NRXN1: variants seen among roughly 807,000 people sequenced by gnomAD.
The protein encoded by NRXN1 is neurexin 1, also known as neurexin-1.
Under a neutral mutation model 150.9 loss-of-function variants are expected in NRXN1, and 39 were observed. The observed-to-expected ratio is 0.26, with a 90% CI of 0.20 to 0.34. NRXN1 has a LOEUF of 0.34. Among genes scored for constraint, NRXN1 ranks in the 10% least tolerant of loss-of-function variants. The pLI is 1.00. For synonymous variants in NRXN1, 924 were observed against 757.0 expected (o/e 1.22, Z -3.62); for missense variants, 1,815 against 1,949.9 (o/e 0.93, Z 1.30).
intron 9 of NRXN1, among the ~76,000 whole-genome samples, chr2:50,545,337 T>C (rs1295620587): frequency 6.6e-6 from 1 of 152,162 alleles, no homozygotes; most frequent in African/African-American, 2.4e-5. Flanking sequence ...ATCAATCAAA[T>C]AACATTCTGC....
At chr2:50,990,594 T>G (rs1414685325) in intron 2 of NRXN1, among the ~76,000 whole-genome samples, 1 of 152,054 alleles carries the variant, frequency 6.6e-6, no homozygotes, top group Non-Finnish European at 1.5e-5. Context: ...TGTCATCAGG[T>G]GTAGACATAG....
intron 2 of NRXN1, among the ~76,000 whole-genome samples, chr2:50,990,111 A>G (rs1698323373): frequency 6.6e-6 from 1 of 152,040 alleles, no homozygotes; most frequent in Non-Finnish European, 1.5e-5. Context: ...TATCTTCTGT[A>G]GGGAACTGTC....
chr2:50,686,081 C>T (rs1387453081), intron 5 of NRXN1, among the ~76,000 whole-genome samples: 1 of 152,068 alleles, frequency 6.6e-6, no homozygotes, highest in African/African-American at 2.4e-5. Flanking sequence ...ACTAGAAATA[C>T]ATTTCTCCAG....
At chr2:50,668,295 C>CT (rs1559099687) in intron 5 of NRXN1, among the ~76,000 whole-genome samples, 1 of 151,492 alleles carries the variant, frequency 6.6e-6, no homozygotes, top group African/African-American at 2.4e-5. Flanking sequence ...AATCAGTGTT[C>CT]TTTTTTTCAA....
chr2:50,532,648 A>G (rs2093148504), intron 10 of NRXN1, among the ~76,000 whole-genome samples: 1 of 152,142 alleles, frequency 6.6e-6, no homozygotes, highest in African/African-American at 2.4e-5. Context: ...TTGCTACACT[A>G]AATAAGCATG....
chr2:50,702,867 G>GT (rs879415779), intron 5 of NRXN1, among the ~76,000 whole-genome samples: 3 of 151,874 alleles, frequency 2.0e-5, no homozygotes, highest in African/African-American at 4.8e-5. Context: ...TAACAGACAA[G>GT]TTTTTTTTCC....
chr2:50,538,925 G>A (rs2093329475), intron 9 of NRXN1, among the ~76,000 whole-genome samples: 1 of 152,136 alleles, frequency 6.6e-6, no homozygotes. Flanking sequence ...GTCAATGCAT[G>A]TATACATACA....
chr2:50,063,331 A>G (rs1025494877), intron 19 of NRXN1, among the ~76,000 whole-genome samples: 3 of 152,162 alleles, frequency 2.0e-5, no homozygotes, highest in South Asian at 2.1e-4. Flanking sequence ...TTTATTTCCT[A>G]TATCATTAAA....
At chr2:49,986,909 C>T (rs1681004146) in intron 21 of NRXN1, among the ~76,000 whole-genome samples, 1 of 151,814 alleles carries the variant, frequency 6.6e-6, no homozygotes, top group Non-Finnish European at 1.5e-5. Context: ...ACAAAAAATA[C>T]AAAAAATTAG....
intron 17 of NRXN1, among the ~76,000 whole-genome samples, chr2:50,434,052 T>C (rs1283895820): frequency 7.7e-6 from 1 of 129,238 alleles, no homozygotes; most frequent in African/African-American, 3.0e-5. Flanking sequence ...CATTTTTTTT[T>C]TTTTTTTTTT....
At position 50,922,976 on chromosome 2, in the gene NRXN1, C is replaced by G. The variant is rs544015147; in HGVS notation, c.791-289G>C. On this transcript the variant is annotated intron_variant, in intron 3 of 22. Coordinates refer to ENST00000401669, the MANE Select transcript of NRXN1 (RefSeq NM_001330078.2). ...AGCATGACTTAAAATCCAACCAAAC[C>G]CCTCAATATTACATCTGCCCTCTGT... 1.3e-4 allele frequency among the ~76,000 whole-genome samples: 20 copies of G among 151,854 alleles called. No individual in the cohort carries two copies. The South Asian group carries it at 4.1e-3, about 32-fold the overall frequency.
chr2:50,236,191 A>G (rs1201587690), intron 18 of NRXN1, among the ~76,000 whole-genome samples: 2 of 152,036 alleles, frequency 1.3e-5, no homozygotes, highest in Non-Finnish European at 2.9e-5. Context: ...CTTTAGAGAA[A>G]AGAGAATGGG....
At chr2:50,069,628 T>C (rs1299897955) in intron 19 of NRXN1, among the ~76,000 whole-genome samples, 1 of 152,216 alleles carries the variant, frequency 6.6e-6, no homozygotes, top group Non-Finnish European at 1.5e-5. Context: ...AGTTGGCATC[T>C]GTGGAGATCT....
intron 5 of NRXN1, among the ~76,000 whole-genome samples, chr2:50,884,783 T>C (rs543563566): frequency 2.7e-4 from 41 of 151,552 alleles, no homozygotes; most frequent in Admixed American, 4.6e-4. Context: ...TTTAACAGTA[T>C]TGTTTAATGG....
intron 5 of NRXN1, among the ~76,000 whole-genome samples, chr2:50,717,345 A>G (rs189632316): frequency 1.3e-5 from 2 of 152,242 alleles, no homozygotes; most frequent in African/African-American, 2.4e-5. Flanking sequence ...ACTTCCTGGT[A>G]CCCCAAAAGC....
intron 5 of NRXN1, among the ~76,000 whole-genome samples, chr2:50,837,367 T>A (rs2105913648): frequency 6.6e-6 from 1 of 152,230 alleles, no homozygotes; most frequent in East Asian, 1.9e-4. Context: ...TAGAGCATAA[T>A]GGTTTGGGGC....
At chr2:50,092,227 G>A (rs1699679814) in intron 18 of NRXN1, among the ~76,000 whole-genome samples, 1 of 152,116 alleles carries the variant, frequency 6.6e-6, no homozygotes, top group Admixed American at 6.5e-5. Context: ...TTCTTCATAT[G>A]CAAAGCCTCA....
chr2:50,389,837 C>G (rs1397975780), intron 17 of NRXN1, among the ~76,000 whole-genome samples: 1 of 151,984 alleles, frequency 6.6e-6, no homozygotes, highest in Admixed American at 6.6e-5. Flanking sequence ...TTGAAATAAC[C>G]CAAACCCCAG....
chr2:50,352,243 G>GT (rs1572643414), intron 17 of NRXN1, among the ~76,000 whole-genome samples: 1 of 152,160 alleles, frequency 6.6e-6, no homozygotes, highest in African/African-American at 2.4e-5. Context: ...GAAGAGGAGA[G>GT]TGAGTGGAAG....
Sources: allele counts gnomAD v4.1 joint callset (sites outside exome capture counted in the v4.1 genomes callset), GRCh38; gene constraint gnomAD v4.1.1; transcripts MANE v1.5; gene names NCBI Gene and HGNC (gene_info 2026-07-23, HGNC 2026-07-21).